PNLDC1: variants seen among roughly 807,000 people sequenced by gnomAD.
PNLDC1 encodes the protein poly(A)-specific ribonuclease PNLDC1.
In PNLDC1, 70 loss-of-function variants were observed where a neutral mutation model predicts 82.0. The ratio of observed to expected loss-of-function variants is 0.85; its 90% CI spans 0.70 to 1.04. The LOEUF is 1.04. Ranked by LOEUF, PNLDC1 falls within the 50% of genes least tolerant of loss-of-function variation. The probability of loss-of-function intolerance (pLI) is 0.00; values close to 1 mark genes in which losing one functional copy is unlikely to be tolerated. For synonymous variants in PNLDC1, 280 were observed against 249.3 expected (o/e 1.12, Z -1.16); for missense variants, 631 against 661.1 (o/e 0.95, Z 0.50).
intron 18 of PNLDC1, 129 bp from the exon 19 acceptor site, chr6:159,820,325 C>T (rs980724125): frequency 1.4e-5 from 12 of 854,370 alleles, no homozygotes; most frequent in South Asian, 3.0e-5. Context: ...TCAGTGTTGT[C>T]GTCGGGAGAG....
rs1343572756 is a variant in PNLDC1, at chr6:159,801,154, A to G, written c.176A>G (p.Gln59Arg). 3 of 1,614,198 alleles carry G rather than the reference A, an allele frequency of 1.9e-6. No individual in the cohort carries two copies. Among genetic ancestry groups the G allele is most frequent in the Non-Finnish European group, 1.7e-6 (2 of 1,180,022 alleles). The change falls in exon 3 of 19, where the codon CAG (glutamine) becomes CGG (arginine). Residue 59 changes from glutamine to arginine, a missense_variant. Gln to Arg is a conservative substitution (Grantham distance 43, BLOSUM62 1). Transcript: ENST00000392167. ...LPSEWYLKTR[Q>R]SVQQFTVCQI... is the part of the protein sequence containing the mutation. The stretch of plus-strand genomic sequence containing the variant: ...TCGGAGTGGTATCTAAAGACCCGTC[A>G]GAGTGTTCAGCAATTTACAGTCTGT...
chr6:159,816,721 C>G, intron 14 of PNLDC1, 125 bp downstream of exon 14: 1 of 828,602 alleles, frequency 1.2e-6, no homozygotes, highest in Non-Finnish European at 2.0e-6. Context: ...CAGCCTCTAC[C>G]TCCTGGGCTC....
intron 9 of PNLDC1, among the ~76,000 whole-genome samples, chr6:159,809,469 T>C (rs1781572515): frequency 7.9e-6 from 1 of 127,228 alleles, no homozygotes; most frequent in South Asian, 2.6e-4. Context: ...TTTTTTTTTT[T>C]TTTTGGTAGA....
At chr6:159,802,474 C>G (rs2071627443) in intron 3 of PNLDC1, among the ~76,000 whole-genome samples, 1 of 151,984 alleles carries the variant, frequency 6.6e-6, no homozygotes, top group Non-Finnish European at 1.5e-5. Context: ...TCCTTTGCTA[C>G]TTTTCTGTTA....
intron 12 of PNLDC1, among the ~76,000 whole-genome samples, chr6:159,815,622 C>T (rs1008173103): frequency 2.0e-5 from 3 of 152,332 alleles, no homozygotes; most frequent in Non-Finnish European, 1.5e-5. Flanking sequence ...TGCCTCAGGC[C>T]TTGCATTTAC....
intron 6 of PNLDC1, among the ~76,000 whole-genome samples, chr6:159,805,081 G>A (rs1781399377): frequency 6.6e-6 from 1 of 152,226 alleles, no homozygotes; most frequent in Non-Finnish European, 1.5e-5. Context: ...ACTGACTTCA[G>A]ATGTGTGCCT....
Position 159,820,553 on chromosome 6 carries a change from C to G in PNLDC1, c.*36C>G. The G allele has an allele frequency of 6.2e-7, 1 of 1,600,238 alleles. No individual in the cohort carries two copies. Among genetic ancestry groups the G allele is most frequent in the Non-Finnish European group, 8.6e-7 (1 of 1,167,770 alleles). On this transcript the variant is annotated 3_prime_UTR_variant, in exon 19 of 19. Transcript: ENST00000392167. ...GCCTCCTGCGGCCACCCTCGGGTCC[C>G]CATGCTCTCTGGGAGGTGTGCTGGG...
intron 2 of PNLDC1, 113 bp from the exon 3 acceptor site, chr6:159,800,999 TG>T: frequency 6.9e-7 from 1 of 1,459,640 alleles, no homozygotes; most frequent in Non-Finnish European, 9.6e-7. Context: ...GCTCCCTAGT[TG>T]TTGTAACAAG....
chr6:159,812,038 T>A (rs888983560), intron 11 of PNLDC1, among the ~76,000 whole-genome samples: 2 of 152,146 alleles, frequency 1.3e-5, no homozygotes, highest in Non-Finnish European at 2.9e-5. Context: ...TAGCTGGGAT[T>A]ACAGGTGCGC....
chr6:159,817,399 G>A (rs1781871948), intron 15 of PNLDC1, among the ~76,000 whole-genome samples: 1 of 152,210 alleles, frequency 6.6e-6, no homozygotes, highest in Admixed American at 6.5e-5. Context: ...CCCCGCAGAT[G>A]TCAGGAGGCC....
intron 14 of PNLDC1, 69 bp from the exon 15 acceptor site, chr6:159,817,037 CATA>C: frequency 2.8e-6 from 4 of 1,419,818 alleles, no homozygotes; most frequent in Non-Finnish European, 3.0e-6. Context: ...TTGGCTTGCA[CATA>C]ATGAGATAAA....
intron 4 of PNLDC1, 97 bp from the exon 5 acceptor site, chr6:159,803,868 C>G: frequency 7.5e-7 from 1 of 1,340,096 alleles, no homozygotes; most frequent in African/African-American, 1.5e-5. Context: ...TCAGATTCTT[C>G]TTGCCTAAAA....
At chr6:159,806,766 T>A (rs2115034521) in intron 7 of PNLDC1, among the ~76,000 whole-genome samples, 1 of 152,316 alleles carries the variant, frequency 6.6e-6, no homozygotes. Flanking sequence ...CTTTTAAATA[T>A]ATGTCAATAT....
At position 159,820,451 on chromosome 6, in the gene PNLDC1, CAG is replaced by C. The variant is rs1562509254; in HGVS notation, c.1533_1534del. On this transcript the variant is annotated splice_acceptor_variant, in intron 18 of 18. Coordinates refer to ENST00000392167, the MANE Select transcript of PNLDC1 (RefSeq NM_001271862.2). LOFTEE classifies it high-confidence loss of function. ...GCCACTGACACGTGTCATTGTCTTG[CAG>C]AGTCTGTGGCATAGTGACTGCCTGG... 2.5e-6 allele frequency: 4 copies of C among 1,613,966 alleles called. No homozygotes were observed. The highest frequency in any genetic ancestry group is 1.7e-5 in the Admixed American group (1 of 60,002).
intron 18 of PNLDC1, 136 bp from the exon 19 acceptor site, chr6:159,820,318 G>T: frequency 2.5e-6 from 2 of 801,456 alleles, no homozygotes; most frequent in South Asian, 3.2e-5. Flanking sequence ...CAGAAGTTCA[G>T]TGTTGTCGTC....
At chr6:159,818,433 G>A in intron 15 of PNLDC1, 122 bp from the exon 16 acceptor site, 2 of 829,286 alleles carry the variant, frequency 2.4e-6, no homozygotes, top group South Asian at 3.0e-5. Flanking sequence ...TGTGAGGGCA[G>A]GAGGGAGGGA....
intron 12 of PNLDC1, among the ~76,000 whole-genome samples, chr6:159,815,569 C>T (rs996190326): frequency 6.6e-6 from 1 of 152,206 alleles, no homozygotes; most frequent in Non-Finnish European, 1.5e-5. Flanking sequence ...TCCATGAGTG[C>T]TGTCTGCCTC....
intron 6 of PNLDC1, among the ~76,000 whole-genome samples, chr6:159,805,002 A>G (rs1480872795): frequency 1.3e-5 from 2 of 152,210 alleles, no homozygotes; most frequent in African/African-American, 4.8e-5. Context: ...TTGATCCCCC[A>G]TGTGATCTTC....
chr6:159,817,263 T>C, intron 15 of PNLDC1, 112 bp downstream of exon 15: 1 of 1,004,946 alleles, frequency 1.0e-6, no homozygotes, highest in Admixed American at 1.8e-5. Context: ...GAAGGGAGAA[T>C]GTGAGGTGTC....
Sources: allele counts gnomAD v4.1 joint callset (sites outside exome capture counted in the v4.1 genomes callset), GRCh38; gene constraint gnomAD v4.1.1; transcripts MANE v1.5; gene names NCBI Gene and HGNC (gene_info 2026-07-23, HGNC 2026-07-21).